The following THSD7B variants were observed in gnomAD, a reference collection of about 807,000 sequenced individuals.
THSD7B encodes the protein thrombospondin type-1 domain-containing protein 7B.
THSD7B carries 138 observed loss-of-function variants against 213.6 expected under a neutral mutation model. The observed-to-expected ratio is 0.65, with a 90% confidence interval of 0.56 to 0.74. The LOEUF (loss-of-function observed/expected upper bound fraction) is 0.74, where lower values mean the gene tolerates loss of function less well. THSD7B is among the 30% of genes least tolerant of loss of function. THSD7B has a pLI of 0.00. For missense variants in THSD7B, 1,931 were observed against 1,991.5 expected (o/e 0.97, Z 0.58); for synonymous variants, 742 against 687.0 (o/e 1.08, Z -1.25).
At chr2:137,378,745 C>A (rs767137259) in intron 12 of THSD7B, among the ~76,000 whole-genome samples, 1 of 152,146 alleles carries the variant, frequency 6.6e-6, no homozygotes, top group African/African-American at 2.4e-5. Context: ...CCACCTCCCC[C>A]AACCACTCCC....
chr2:137,202,566 C>T (rs1184710001), intron 7 of THSD7B, among the ~76,000 whole-genome samples: 2 of 152,184 alleles, frequency 1.3e-5, no homozygotes, highest in Non-Finnish European at 2.9e-5. Flanking sequence ...CTGCCAACAC[C>T]TAACTGTCAG....
chr2:137,344,946 C>A (rs957181662), intron 12 of THSD7B, among the ~76,000 whole-genome samples: 1 of 151,506 alleles, frequency 6.6e-6, no homozygotes, highest in African/African-American at 2.4e-5. Flanking sequence ...GTTGGTGATA[C>A]CTAAGTAGAA....
At chr2:136,815,230 CCTGT>C (rs1276429214) in intron 1 of THSD7B, among the ~76,000 whole-genome samples, 1 of 152,092 alleles carries the variant, frequency 6.6e-6, no homozygotes, top group East Asian at 1.9e-4. Flanking sequence ...GCTGTTGCTG[CCTGT>C]ATTTTGGAGA....
intron 15 of THSD7B, among the ~76,000 whole-genome samples, chr2:137,562,413 T>C (rs1415470419): frequency 2.0e-5 from 3 of 151,858 alleles, no homozygotes; most frequent in South Asian, 2.1e-4. Flanking sequence ...CACAAAGAGG[T>C]AGACAAACTC....
chr2:137,512,800 C>CTTT (rs926442938), intron 15 of THSD7B, among the ~76,000 whole-genome samples: 2 of 152,030 alleles, frequency 1.3e-5, no homozygotes, highest in African/African-American at 4.8e-5. Context: ...TGTAGTAATT[C>CTTT]TTTTTATCCT....
chr2:136,976,097 C>T (rs1002834842), intron 2 of THSD7B, among the ~76,000 whole-genome samples: 1 of 152,188 alleles, frequency 6.6e-6, no homozygotes, highest in African/African-American at 2.4e-5. Context: ...ATGGGGTTTT[C>T]TAGATAAAAG....
intron 1 of THSD7B, among the ~76,000 whole-genome samples, chr2:136,858,805 G>A (rs1010205426): frequency 1.3e-5 from 2 of 152,168 alleles, no homozygotes; most frequent in Non-Finnish European, 2.9e-5. Flanking sequence ...TTAAGCAGAC[G>A]TCCCATAATA....
At chr2:136,962,316 T>C (rs1262354275) in intron 2 of THSD7B, among the ~76,000 whole-genome samples, 1 of 150,632 alleles carries the variant, frequency 6.6e-6, no homozygotes, top group African/African-American at 2.4e-5. Context: ...AACTGTAAGA[T>C]AATAAGCTTG....
At chr2:136,983,502 GT>G (rs35564943) in intron 2 of THSD7B, among the ~76,000 whole-genome samples, 1,899 of 127,892 alleles carry the variant, frequency 0.015, 40 homozygotes, top group East Asian at 0.072. Flanking sequence ...AGTAAAATCT[GT>G]TTTTTTTTTT....
intron 2 of THSD7B, among the ~76,000 whole-genome samples, chr2:136,970,443 A>G (rs1446444597): frequency 6.7e-6 from 1 of 150,124 alleles, no homozygotes; most frequent in African/African-American, 2.5e-5. Flanking sequence ...TCAGCCAGGG[A>G]GACAGAGTGA....
chr2:137,084,358 C>T (rs779007506), intron 3 of THSD7B, among the ~76,000 whole-genome samples: 3 of 152,118 alleles, frequency 2.0e-5, no homozygotes, highest in Non-Finnish European at 4.4e-5. Flanking sequence ...AAAAGTAAAG[C>T]GATGAGTGGT....
chr2:137,186,719 T>A (rs533717213), intron 7 of THSD7B, among the ~76,000 whole-genome samples: 2 of 152,262 alleles, frequency 1.3e-5, no homozygotes, highest in East Asian at 3.9e-4. Flanking sequence ...CAGATGAATT[T>A]TAGAATTATT....
At chr2:137,273,996 C>T (rs1682812425) in intron 11 of THSD7B, among the ~76,000 whole-genome samples, 1 of 152,008 alleles carries the variant, frequency 6.6e-6, no homozygotes, top group Non-Finnish European at 1.5e-5. Context: ...ATTTCTTTGT[C>T]CACTCTTTTT....
At chr2:137,102,859 C>T (rs1688177785) in intron 4 of THSD7B, among the ~76,000 whole-genome samples, 1 of 152,102 alleles carries the variant, frequency 6.6e-6, no homozygotes, top group Non-Finnish European at 1.5e-5. Context: ...AAGGAAAGAA[C>T]AAAGCCTCCA....
intron 20 of THSD7B, among the ~76,000 whole-genome samples, chr2:137,628,284 A>G (rs554234329): frequency 6.6e-6 from 1 of 152,304 alleles, no homozygotes; most frequent in South Asian, 2.1e-4. Context: ...AATTCTACAC[A>G]CTATACTCAT....
chr2:137,299,827 C>T (rs1447477189), intron 12 of THSD7B, among the ~76,000 whole-genome samples: 1 of 151,924 alleles, frequency 6.6e-6, no homozygotes, highest in East Asian at 1.9e-4. Flanking sequence ...TGATTTTGTA[C>T]CAGTGAATGA....
At position 137,501,991 on chromosome 2, in the gene THSD7B, C is replaced by T. The variant is rs138020502; in HGVS notation, c.3138+50968C>T. On this transcript the variant is annotated intron_variant, in intron 15 of 27. Transcript: ENST00000409968. Reference sequence around the variant, plus strand: ...ATTAAATGGGTACTGATGATCAATGCGCAAGCTAAAGTGTTGATTTGTCTG... The same window carrying T: ...ATTAAATGGGTACTGATGATCAATGTGCAAGCTAAAGTGTTGATTTGTCTG... Among the ~76,000 whole-genome samples the T allele has an allele frequency of 7.6e-4, 116 of 152,234 alleles. 1 individual carries two copies. The highest frequency in any genetic ancestry group is 1.1e-3 in the Non-Finnish European group (76 of 68,010).
chr2:136,848,414 G>A (rs2104961393), intron 1 of THSD7B, among the ~76,000 whole-genome samples: 1 of 152,228 alleles, frequency 6.6e-6, no homozygotes, highest in Non-Finnish European at 1.5e-5. Context: ...TGATGCTGCA[G>A]GTCCAGAGAC....
chr2:137,090,287 G>T (rs1292239274), intron 3 of THSD7B, among the ~76,000 whole-genome samples: 1 of 152,050 alleles, frequency 6.6e-6, no homozygotes, highest in Non-Finnish European at 1.5e-5. Flanking sequence ...GCATAGAACA[G>T]TAGGGATTTC....
Sources: allele counts gnomAD v4.1 joint callset (sites outside exome capture counted in the v4.1 genomes callset), GRCh38; gene constraint gnomAD v4.1.1; transcripts MANE v1.5; gene names NCBI Gene and HGNC (gene_info 2026-07-23, HGNC 2026-07-21).